Variants in PCDHGB7 observed in about 807,000 individuals in gnomAD.
The protein encoded by PCDHGB7 is protocadherin gamma subfamily B, 7, also known as protocadherin gamma-B7.
PCDHGB7 carries 37 observed loss-of-function variants against 61.4 expected under a neutral mutation model. That is an observed-to-expected ratio of 0.60 (90% confidence interval 0.46 to 0.79). The LOEUF (loss-of-function observed/expected upper bound fraction) is 0.79. Among genes scored for constraint, PCDHGB7 ranks in the 30% least tolerant of loss-of-function variants. The pLI is 0.00. For missense variants in PCDHGB7, 1,166 were observed against 1,202.5 expected (o/e 0.97, Z 0.45); for synonymous variants, 464 against 503.5 (o/e 0.92, Z 1.05).
intron 2 of PCDHGB7, among the ~76,000 whole-genome samples, chr5:141,495,550 G>A (rs999176899): frequency 6.6e-6 from 1 of 151,958 alleles, no homozygotes; most frequent in Non-Finnish European, 1.5e-5. Context: ...TCTCTATCTC[G>A]CTTTGCAATC....
chr5:141,485,714 G>C lies in PCDHGB7; in HGVS notation c.2416-9093G>C, dbSNP rs896709540. 6.2e-7 allele frequency: 1 copy of C among 1,614,064 alleles called. No homozygotes were observed. Among genetic ancestry groups the C allele is most frequent in the Non-Finnish European group, 8.5e-7 (1 of 1,180,050 alleles). On this transcript the variant is annotated intron_variant, in intron 1 of 3. Coordinates refer to ENST00000398594, the MANE Select transcript of PCDHGB7 (RefSeq NM_018927.4). The surrounding 1 kb of genome is among the most constrained non-coding windows in gnomAD (Gnocchi z 5.7). The stretch of plus-strand genomic sequence containing the variant: ...GAGCTCCAATGAACACTTTGCACTG[G>C]ATGTGAAGAAGCGCAGCGACGGCAG...
intron 1 of PCDHGB7, among the ~76,000 whole-genome samples, chr5:141,436,122 C>T (rs909678739): frequency 4.6e-5 from 7 of 152,128 alleles, no homozygotes; most frequent in African/African-American, 7.2e-5. Flanking sequence ...AACCTCTCTC[C>T]TCCATCATCT....
chr5:141,419,006 A>G lies in PCDHGB7; in HGVS notation c.1147A>G (p.Arg383Gly), dbSNP rs2096312225. 1 of 1,614,006 alleles carries G rather than the reference A, an allele frequency of 6.2e-7. No homozygotes were observed. The part of the protein sequence containing the change: ...DQDSGENGEV[R>G]CSLSRGVPFK... Reference sequence around the variant, plus strand: ...AGACTCAGGGGAAAATGGGGAAGTCAGGTGTAGCTTAAGTAGAGGTGTTCC... The same window carrying G: ...AGACTCAGGGGAAAATGGGGAAGTCGGGTGTAGCTTAAGTAGAGGTGTTCC... Residue 383 changes from arginine (R) to glycine (G), a missense_variant, in exon 1 of 4, where the codon AGG (arginine) becomes GGG (glycine). By Grantham distance (125) the Arg-to-Gly change is moderately radical (BLOSUM62 -2). Transcript: ENST00000398594.
At chr5:141,484,425 A>G (rs2099596309) in intron 1 of PCDHGB7, among the ~76,000 whole-genome samples, 3 of 152,192 alleles carry the variant, frequency 2.0e-5, no homozygotes, top group African/African-American at 7.2e-5. Flanking sequence ...TACAATGAGA[A>G]CATGTACTGC....
chr5:141,449,424 T>C (rs2098638345), intron 1 of PCDHGB7, among the ~76,000 whole-genome samples: 1 of 151,674 alleles, frequency 6.6e-6, no homozygotes, highest in Admixed American at 6.6e-5. Context: ...CTGGCCAACA[T>C]GATAAAACTC....
At chr5:141,422,394 C>T (rs898242724) in intron 1 of PCDHGB7, 1 of 1,595,520 alleles carries the variant, frequency 6.3e-7, no homozygotes, top group Non-Finnish European at 8.5e-7. Context: ...TTATTCCTAA[C>T]CACCTGCCTT....
chr5:141,491,659 G>A lies in PCDHGB7; in HGVS notation c.2416-3148G>A. On this transcript the variant is annotated intron_variant, in intron 1 of 3. Transcript: ENST00000398594. This position sits in a 1 kb window ranked among gnomAD's most constrained non-coding sequence, Gnocchi z 6.9. ...CACAGCTCTGGCGCTGGAGCCTGACGCCATCCGGTCCCGCTCTAATACGCT... is the reference window on the plus strand; with the variant it reads ...CACAGCTCTGGCGCTGGAGCCTGACACCATCCGGTCCCGCTCTAATACGCT... 6.2e-7 allele frequency: 1 copy of A among 1,613,766 alleles called. No homozygotes were observed. The highest frequency in any genetic ancestry group is 8.5e-7 in the Non-Finnish European group (1 of 1,180,004).
In PCDHGB7 at chr5:141,511,774, T is replaced by C. The variant is rs1173144009; in HGVS notation, c.*601T>C. 6.2e-6 allele frequency: 1 copy of C among 160,350 alleles called. No homozygotes were observed. The highest frequency in any genetic ancestry group is 1.4e-5 in the Non-Finnish European group (1 of 72,132). The allele number at this position is 160,350 out of a possible 1,614,324, so 9.9% of individuals were successfully genotyped here. A position where few individuals can be genotyped will look rare whatever the true frequency, so the allele number is the denominator to read the frequency against. On this transcript the variant is annotated 3_prime_UTR_variant, in exon 4 of 4. Coordinates refer to ENST00000398594, the MANE Select transcript of PCDHGB7 (RefSeq NM_018927.4). ...ATGATCACCATCCCCATGGTACTGA[T>C]GCTTGCTGGATTTAGGGAGGGCATT...
At chr5:141,423,926 T>C (rs925790302) in intron 1 of PCDHGB7, 2 of 1,245,276 alleles carry the variant, frequency 1.6e-6, no homozygotes, top group Non-Finnish European at 2.0e-6. Flanking sequence ...CTATGCTGGT[T>C]TGGTTTGAAG....
intron 1 of PCDHGB7, chr5:141,421,662 G>C: frequency 5.6e-6 from 9 of 1,613,844 alleles, no homozygotes; most frequent in Non-Finnish European, 7.6e-6. Context: ...AAGTCAGTGA[G>C]CACGCAATTC....
chr5:141,492,111 C>T (rs2154587044), intron 1 of PCDHGB7, among the ~76,000 whole-genome samples: 1 of 152,320 alleles, frequency 6.6e-6, no homozygotes, highest in South Asian at 2.1e-4. Context: ...ATTTCCTCTT[C>T]GATTTCTCCC....
chr5:141,431,584 G>A lies in PCDHGB7; in HGVS notation c.2415+11310G>A, dbSNP rs201462681. 7 of 1,614,074 alleles carry A rather than the reference G, an allele frequency of 4.3e-6. No homozygotes were observed. The African/African-American group carries it at 9.3e-5, about 22-fold the overall frequency. On this transcript the variant is annotated intron_variant, in intron 1 of 3. Coordinates refer to ENST00000398594, the MANE Select transcript of PCDHGB7 (RefSeq NM_018927.4). The surrounding 1 kb of genome is among the most constrained non-coding windows in gnomAD (Gnocchi z 4.8). ...CCGACCCTGACGAAGGAGTCAATGC[G>A]GAAGTGAGGTATTCCTTCCGGTATG... is the stretch of plus-strand genomic sequence containing the variant.
intron 1 of PCDHGB7, among the ~76,000 whole-genome samples, chr5:141,467,116 A>T (rs981562543): frequency 2.0e-5 from 3 of 150,560 alleles, no homozygotes; most frequent in Non-Finnish European, 4.4e-5. Flanking sequence ...ACAATGGTGC[A>T]ATCTCAGCTC....
intron 2 of PCDHGB7, among the ~76,000 whole-genome samples, chr5:141,503,091 G>A (rs2099818095): frequency 6.6e-6 from 1 of 151,808 alleles, no homozygotes; most frequent in African/African-American, 2.4e-5. Flanking sequence ...CTGACCTCGT[G>A]GTCTGCCCGC....
chr5:141,423,746 T>G, intron 1 of PCDHGB7: 2 of 384,794 alleles, frequency 5.2e-6, no homozygotes, highest in Non-Finnish European at 6.6e-6. Flanking sequence ...TTATGAAAAC[T>G]GTTTGGGGGG....
Position 141,489,629 on chromosome 5 carries a change from C to T in PCDHGB7, c.2416-5178C>T. Reference sequence around the variant, plus strand: ...GAGATCCTGGATCTCAATGACAACTCTCCTAGCTTTGCCACCCCTGAGCGA... The same window carrying T: ...GAGATCCTGGATCTCAATGACAACTTTCCTAGCTTTGCCACCCCTGAGCGA... On this transcript the variant is annotated intron_variant, in intron 1 of 3. Transcript: ENST00000398594. This position sits in a 1 kb window ranked among gnomAD's most constrained non-coding sequence, Gnocchi z 4.5. 6.2e-7 allele frequency: 1 copy of T among 1,614,142 alleles called. No homozygotes were observed. The highest frequency in any genetic ancestry group is 1.7e-5 in the Admixed American group (1 of 60,032).
At chr5:141,441,930 G>T in intron 1 of PCDHGB7, 1 of 347,232 alleles carries the variant, frequency 2.9e-6, no homozygotes, top group Non-Finnish European at 5.5e-6. Flanking sequence ...ATGCGTGGCT[G>T]TCCTACCACG....
At chr5:141,468,024 T>C (rs1386255481) in intron 1 of PCDHGB7, among the ~76,000 whole-genome samples, 1 of 152,046 alleles carries the variant, frequency 6.6e-6, no homozygotes, top group African/African-American at 2.4e-5. Flanking sequence ...TGAAGTAAAA[T>C]ACTTCATTTA....
In PCDHGB7 at chr5:141,419,254, C is replaced by A; in HGVS notation, c.1395C>A (p.Asn465Lys). 6.2e-7 allele frequency: 1 copy of A among 1,614,020 alleles called. No individual in the cohort carries two copies. The highest frequency in any genetic ancestry group is 8.5e-7 in the Non-Finnish European group (1 of 1,179,904). Reference protein sequence around the residue: ...SAYLVHVPENNQPGASIAQVS... With the variant: ...SAYLVHVPENKQPGASIAQVS... ...ACCTGGTCCACGTGCCAGAAAACAA[C>A]CAGCCGGGTGCCTCCATAGCGCAAG... The change falls in exon 1 of 4, where the codon AAC (asparagine) becomes AAA (lysine). Residue 465 changes from asparagine to lysine, a missense_variant. Physicochemically the swap from Asn to Lys is moderately conservative, Grantham distance 94. Transcript: ENST00000398594.
Sources: gnomAD v4.1 joint callset for allele counts (sites outside exome capture counted in the v4.1 genomes callset) on GRCh38, gnomAD v4.1.1 for gene constraint, Gnocchi (gnomAD v3.1) non-coding constraint, MANE v1.5 for transcripts, NCBI Gene and HGNC (gene_info 2026-07-23, HGNC 2026-07-21) for gene names.